Variants in SNX3 observed in about 807,000 individuals in gnomAD.
SNX3 encodes sorting nexin-3.
SNX3 carries 5 observed loss-of-function variants against 17.7 expected under a neutral mutation model. The observed-to-expected ratio is 0.28, with a 90% CI of 0.15 to 0.59. The LOEUF (loss-of-function observed/expected upper bound fraction) is 0.59. SNX3 is among the 20% of genes least tolerant of loss of function. The probability of loss-of-function intolerance (pLI) is 0.88; values close to 1 mark genes in which losing one functional copy is unlikely to be tolerated. For synonymous variants in SNX3, 91 were observed against 76.5 expected (o/e 1.19, Z -0.99); for missense variants, 132 against 206.8 (o/e 0.64, Z 2.22).
intron 3 of SNX3, among the ~76,000 whole-genome samples, chr6:108,212,751 CATT>C (rs1288879821): frequency 1.3e-5 from 2 of 152,140 alleles, no homozygotes; most frequent in Non-Finnish European, 2.9e-5. Flanking sequence ...ATTAAGAAAA[CATT>C]AATCACAAAT....
rs1774402455 is a variant in SNX3, at chr6:108,211,449, T to G, written c.*700A>C. Reference sequence around the variant, plus strand: ...AAGTATATAATTAGTAAATAATCCCTCTCAACAAGTGACTTAAGTAGTCAC... The same window carrying G: ...AAGTATATAATTAGTAAATAATCCCGCTCAACAAGTGACTTAAGTAGTCAC... On this transcript the variant is annotated 3_prime_UTR_variant, in exon 4 of 4. Coordinates refer to ENST00000230085, the MANE Select transcript of SNX3 (RefSeq NM_003795.6). The G allele has an allele frequency of 6.6e-6, 1 of 152,326 alleles. No individual in the cohort carries two copies. The highest frequency in any genetic ancestry group is 1.5e-5 in the Non-Finnish European group (1 of 68,024). 9.4% of individuals were successfully genotyped at this position (152,326 alleles called of 1,614,324 possible).
intron 3 of SNX3, among the ~76,000 whole-genome samples, chr6:108,213,430 TC>T: frequency 6.6e-6 from 1 of 152,014 alleles, no homozygotes; most frequent in East Asian, 2.0e-4. Flanking sequence ...GGCAGGCAGA[TC>T]ACTTGAGGTC....
At chr6:108,227,572 T>C (rs1364898936) in intron 1 of SNX3, among the ~76,000 whole-genome samples, 1 of 152,188 alleles carries the variant, frequency 6.6e-6, no homozygotes, top group Non-Finnish European at 1.5e-5. Context: ...GTTTGATAGT[T>C]TATATACTTA....
At chr6:108,223,429 C>T (rs982450935) in intron 1 of SNX3, among the ~76,000 whole-genome samples, 4 of 151,716 alleles carry the variant, frequency 2.6e-5, no homozygotes, top group African/African-American at 9.7e-5. Flanking sequence ...TGAGCCACGG[C>T]ACCCGGCCGA....
At chr6:108,221,110 C>T (rs564439210) in intron 2 of SNX3, among the ~76,000 whole-genome samples, 2 of 152,290 alleles carry the variant, frequency 1.3e-5, no homozygotes, top group African/African-American at 4.8e-5. Context: ...AACAGCCCTA[C>T]TGAAATTTCT....
At chr6:108,231,094 C>T (rs905417080) in intron 1 of SNX3, among the ~76,000 whole-genome samples, 18 of 151,758 alleles carry the variant, frequency 1.2e-4, no homozygotes, top group Non-Finnish European at 1.6e-4. Flanking sequence ...GAGGGATCCT[C>T]CCACCTCTGG....
chr6:108,251,925 G>T (rs147371638), intron 1 of SNX3, among the ~76,000 whole-genome samples: 2,747 of 152,036 alleles, frequency 0.018, 41 homozygotes, highest in Middle Eastern at 0.075. Flanking sequence ...AGCCAGGCAT[G>T]GTGGTGCACG....
intron 2 of SNX3, among the ~76,000 whole-genome samples, chr6:108,219,879 A>G (rs943592890): frequency 6.6e-6 from 1 of 152,186 alleles, no homozygotes; most frequent in Non-Finnish European, 1.5e-5. Flanking sequence ...ACTTAAGATA[A>G]TAACTGTGGT....
At chr6:108,212,699 T>A (rs1447654603) in intron 3 of SNX3, among the ~76,000 whole-genome samples, 1 of 152,148 alleles carries the variant, frequency 6.6e-6, no homozygotes, top group Non-Finnish European at 1.5e-5. Context: ...CTATGCACTA[T>A]CAACTAATGG....
intron 1 of SNX3, among the ~76,000 whole-genome samples, chr6:108,248,343 A>T (rs1775753233): frequency 6.6e-6 from 1 of 152,222 alleles, no homozygotes; most frequent in Non-Finnish European, 1.5e-5. Context: ...CAGTTCATAA[A>T]TGTTCATTTA....
intron 1 of SNX3, among the ~76,000 whole-genome samples, chr6:108,227,217 G>C (rs1775000923): frequency 6.6e-6 from 1 of 152,196 alleles, no homozygotes; most frequent in Non-Finnish European, 1.5e-5. Flanking sequence ...ACAGAGTTGA[G>C]TGTTTTCTGC....
At chr6:108,233,751 T>C (rs1432461022) in intron 1 of SNX3, among the ~76,000 whole-genome samples, 1 of 152,164 alleles carries the variant, frequency 6.6e-6, no homozygotes, top group African/African-American at 2.4e-5. Flanking sequence ...ACTGCTGCCC[T>C]AGAGTTAATA....
At chr6:108,221,746 T>C (rs918658949) in intron 2 of SNX3, among the ~76,000 whole-genome samples, 1 of 151,924 alleles carries the variant, frequency 6.6e-6, no homozygotes, top group Non-Finnish European at 1.5e-5. Context: ...GGGTTTCGCA[T>C]GTTGCCCACG....
In SNX3 at chr6:108,214,535, C is replaced by T; in HGVS notation, c.346G>A (p.Glu116Lys). ...DDGIFDDNFI[E>K]ERKQGLEQFI... ...TGCTCCAGCCCTTGTTTTCTTTCCT[C>T]AATAAAATTGTCATCAAATATTCCA... Residue 116 changes from glutamate to lysine, a missense_variant, in exon 3 of 4, where the codon GAG (glutamate) becomes AAG (lysine). Coordinates refer to ENST00000230085, the MANE Select transcript of SNX3 (RefSeq NM_003795.6). 3 of 1,613,542 alleles carry T rather than the reference C, an allele frequency of 1.9e-6. No homozygotes were observed. The highest frequency in any genetic ancestry group is 1.7e-6 in the Non-Finnish European group (2 of 1,179,866).
intron 1 of SNX3, among the ~76,000 whole-genome samples, chr6:108,234,019 A>T (rs1195554172): frequency 1.3e-5 from 2 of 152,038 alleles, no homozygotes; most frequent in Non-Finnish European, 2.9e-5. Context: ...TCAGGCAGCT[A>T]TGGACTACAG....
intron 1 of SNX3, among the ~76,000 whole-genome samples, chr6:108,231,897 A>C (rs1775171292): frequency 6.6e-6 from 1 of 152,238 alleles, no homozygotes; most frequent in Admixed American, 6.5e-5. Flanking sequence ...CGATGTATTA[A>C]GTACAGAATG....
intron 1 of SNX3, among the ~76,000 whole-genome samples, chr6:108,233,701 G>T (rs1775238751): frequency 6.6e-6 from 1 of 152,110 alleles, no homozygotes; most frequent in Non-Finnish European, 1.5e-5. Context: ...GTGAGCCAAG[G>T]TTGTTCCAGT....
intron 1 of SNX3, among the ~76,000 whole-genome samples, chr6:108,255,180 G>C (rs964280862): frequency 6.6e-6 from 1 of 152,168 alleles, no homozygotes; most frequent in African/African-American, 2.4e-5. Context: ...GATTAGATAA[G>C]GACAGAATCT....
At chr6:108,247,728 A>C (rs1369940130) in intron 1 of SNX3, among the ~76,000 whole-genome samples, 1 of 152,088 alleles carries the variant, frequency 6.6e-6, no homozygotes, top group African/African-American at 2.4e-5. Flanking sequence ...GTTTGTAAGA[A>C]AATGCAGTAG....
Sources: gnomAD v4.1 joint callset for allele counts (sites outside exome capture counted in the v4.1 genomes callset) on GRCh38, gnomAD v4.1.1 for gene constraint, MANE v1.5 for transcripts, NCBI Gene and HGNC (gene_info 2026-07-23, HGNC 2026-07-21) for gene names.